The following SLC17A1 variants were observed in gnomAD, a reference collection of about 807,000 sequenced individuals.
SLC17A1 encodes sodium-dependent phosphate transport protein 1.
A neutral mutation model predicts 53.5 loss-of-function variants in SLC17A1; 51 were observed. That is an observed-to-expected ratio of 0.95 (90% CI 0.76 to 1.20). The LOEUF is 1.20. Among genes scored for constraint, SLC17A1 ranks in the 50% most tolerant of loss-of-function variants. The probability of loss-of-function intolerance (pLI) is 0.00; values close to 1 mark genes in which losing one functional copy is unlikely to be tolerated. For synonymous variants in SLC17A1, 179 were observed against 198.8 expected (o/e 0.90, Z 0.84); for missense variants, 538 against 568.2 (o/e 0.95, Z 0.54).
At chr6:25,814,260 A>AT (rs1175209965) in intron 6 of SLC17A1, among the ~76,000 whole-genome samples, 1 of 152,238 alleles carries the variant, frequency 6.6e-6, no homozygotes, top group Non-Finnish European at 1.5e-5. Flanking sequence ...CCATGCACCT[A>AT]TTTTAAGTAC....
Position 25,798,846 on chromosome 6 carries a change from A to G in SLC17A1, c.1343T>C (p.Leu448Pro). 6.2e-7 allele frequency: 1 copy of G among 1,610,988 alleles called. No individual in the cohort carries two copies. The highest frequency in any genetic ancestry group is 1.1e-5 in the South Asian group (1 of 90,454). Residue 448 changes from leucine (L) to proline (P), a missense_variant, in exon 12 of 13, where the codon CTT becomes CCT. Physicochemically the swap from Leu to Pro is moderately conservative, Grantham distance 98. Coordinates refer to ENST00000244527, the MANE Select transcript of SLC17A1 (RefSeq NM_005074.5). Reference protein sequence around the residue: ...AINVTGLIFYLIVATAEIQDW... With the variant: ...AINVTGLIFYPIVATAEIQDW... Reference sequence around the variant, plus strand: ...CTGAATTTCTGCTGTAGCAACTATAAGGTAGAAAATTAGGCCAGTCACATT... The same window carrying G: ...CTGAATTTCTGCTGTAGCAACTATAGGGTAGAAAATTAGGCCAGTCACATT...
chr6:25,786,747 C>T (rs1561821375), intron 12 of SLC17A1, among the ~76,000 whole-genome samples: 1 of 152,132 alleles, frequency 6.6e-6, no homozygotes, highest in Non-Finnish European at 1.5e-5. Flanking sequence ...GCCTGCTTCC[C>T]CTCCTTTCTC....
At chr6:25,750,897 A>C in the SLC17A1 span, among the ~76,000 whole-genome samples, 5,700 of 152,328 alleles carry the variant, frequency 0.037, 137 homozygotes, top group Middle Eastern at 0.078. Flanking sequence ...ATATTGGAAA[A>C]GGAAGGACTG....
chr6:25,778,163 A>G (rs1763092559), downstream of SLC17A1: 1 of 593,114 alleles, frequency 1.7e-6, no homozygotes, highest in South Asian at 2.3e-5. Context: ...AATTAAAGAA[A>G]CTTAAGATTC....
At chr6:25,794,098 T>C (rs1441690564) in intron 12 of SLC17A1, among the ~76,000 whole-genome samples, 1 of 152,162 alleles carries the variant, frequency 6.6e-6, no homozygotes, top group African/African-American at 2.4e-5. Flanking sequence ...AGTTGACCAA[T>C]CAAAATTCAG....
chr6:25,749,239 T>C, the SLC17A1 span, among the ~76,000 whole-genome samples: 3 of 152,230 alleles, frequency 2.0e-5, no homozygotes, highest in African/African-American at 7.2e-5. Flanking sequence ...CGATGACTTT[T>C]ACCAAGCATA....
chr6:25,784,619 G>C (rs987491844), intron 12 of SLC17A1, among the ~76,000 whole-genome samples: 1 of 152,014 alleles, frequency 6.6e-6, no homozygotes, highest in Non-Finnish European at 1.5e-5. Flanking sequence ...CTCGTACTAC[G>C]CCCCACTTTT....
chr6:25,726,163 TCA>T, the SLC17A1 span: 7 of 1,570,390 alleles, frequency 4.5e-6, no homozygotes, highest in Non-Finnish European at 5.2e-6. Context: ...GTGGTGACTC[TCA>T]GTCTTCTTGG....
chr6:25,827,353 T>C (rs1764787964), intron 2 of SLC17A1, among the ~76,000 whole-genome samples: 1 of 152,158 alleles, frequency 6.6e-6, no homozygotes, highest in Non-Finnish European at 1.5e-5. Context: ...GGACATATCA[T>C]GGTATGTTAA....
intron 2 of SLC17A1, 146 bp downstream of exon 2, chr6:25,830,378 A>G (rs1348862855): frequency 1.2e-5 from 7 of 588,510 alleles, no homozygotes; most frequent in Admixed American, 2.4e-5. Context: ...GTGGAAAACC[A>G]TAGTAGGACT....
downstream of SLC17A1, chr6:25,778,907 T>C (rs982679640): frequency 5.2e-6 from 5 of 953,210 alleles, no homozygotes; most frequent in Non-Finnish European, 8.0e-6. Flanking sequence ...AGAAATGTAC[T>C]TGAGTATTCT....
chr6:25,818,502 C>T (rs1764437648), intron 6 of SLC17A1, among the ~76,000 whole-genome samples: 1 of 152,148 alleles, frequency 6.6e-6, no homozygotes, highest in Non-Finnish European at 1.5e-5. Flanking sequence ...GATCAAGTTA[C>T]CTAAGCCTTT....
chr6:25,816,523 G>T (rs1764363104), intron 6 of SLC17A1, among the ~76,000 whole-genome samples: 1 of 152,258 alleles, frequency 6.6e-6, no homozygotes, highest in Admixed American at 6.5e-5. Flanking sequence ...AGCTAGAGAG[G>T]GGCTAGAATG....
Position 25,801,510 on chromosome 6 carries a change from G to A in SLC17A1, c.1179-530C>T, listed in dbSNP as rs761353905. ...CAAACGCAGTGAAGCTGCAGCGAAC[G>A]ATAGATAAAGGGGTCAAACCCATCA... On this transcript the variant is annotated intron_variant, in intron 10 of 12. Transcript: ENST00000244527. 4.3e-4 allele frequency among the ~76,000 whole-genome samples: 65 copies of A among 152,178 alleles called. 1 individual carries two copies. The highest frequency in any genetic ancestry group is 1.3e-4 in the Non-Finnish European group (9 of 68,024).
At chr6:25,745,461 C>T in the SLC17A1 span, among the ~76,000 whole-genome samples, 2 of 152,098 alleles carry the variant, frequency 1.3e-5, no homozygotes, top group African/African-American at 4.8e-5. Context: ...GGCCTCCAAA[C>T]GAAATACGTG....
the SLC17A1 span, among the ~76,000 whole-genome samples, chr6:25,764,487 A>G: frequency 1.3e-5 from 2 of 152,364 alleles, no homozygotes; most frequent in African/African-American, 4.8e-5. Flanking sequence ...CTAGATTGAA[A>G]CTAAGGAATT....
At chr6:25,814,609 AC>A in intron 6 of SLC17A1, among the ~76,000 whole-genome samples, 1 of 152,170 alleles carries the variant, frequency 6.6e-6, no homozygotes, top group East Asian at 1.9e-4. Flanking sequence ...ACTAGACATG[AC>A]CAAGAAAAAA....
At chr6:25,769,531 C>T in the SLC17A1 span, among the ~76,000 whole-genome samples, 1 of 149,238 alleles carries the variant, frequency 6.7e-6, no homozygotes, top group East Asian at 2.0e-4. Context: ...GCACTCCGGT[C>T]TGGGTGACAG....
chr6:25,739,085 TACA>T, the SLC17A1 span, among the ~76,000 whole-genome samples: 1 of 151,930 alleles, frequency 6.6e-6, no homozygotes, highest in Non-Finnish European at 1.5e-5. Context: ...TTTGGGCTGC[TACA>T]ACAAAAATAC....
Sources: allele counts gnomAD v4.1 joint callset (sites outside exome capture counted in the v4.1 genomes callset), GRCh38; gene constraint gnomAD v4.1.1; transcripts MANE v1.5; gene names NCBI Gene and HGNC (gene_info 2026-07-23, HGNC 2026-07-21).